MAGI1: variants seen among roughly 807,000 people sequenced by gnomAD.
MAGI1 encodes membrane associated guanylate kinase, WW and PDZ domain containing 1.
In MAGI1, 58 loss-of-function variants were observed where a neutral mutation model predicts 139.9. That is an observed-to-expected ratio of 0.41 (90% CI 0.34 to 0.52). The LOEUF (loss-of-function observed/expected upper bound fraction) is 0.52, where lower values mean the gene tolerates loss of function less well. Among genes scored for constraint, MAGI1 ranks in the 20% least tolerant of loss-of-function variants. MAGI1 has a pLI of 0.12. For missense variants in MAGI1, 1,874 were observed against 1,901.6 expected (o/e 0.99, Z 0.27); for synonymous variants, 812 against 737.9 (o/e 1.10, Z -1.63).
At chr3:65,985,792 T>C (rs2065850707) in intron 1 of MAGI1, among the ~76,000 whole-genome samples, 1 of 152,162 alleles carries the variant, frequency 6.6e-6, no homozygotes, top group South Asian at 2.1e-4. Context: ...TTGGCTCACA[T>C]TTTTTGCATC....
At chr3:65,695,989 C>T (rs1169038205) in intron 1 of MAGI1, among the ~76,000 whole-genome samples, 3 of 152,156 alleles carry the variant, frequency 2.0e-5, no homozygotes, top group African/African-American at 7.2e-5. Flanking sequence ...GATGCTATCA[C>T]AACACTTCTC....
chr3:65,706,183 T>C (rs1470670487), intron 1 of MAGI1, among the ~76,000 whole-genome samples: 1 of 152,234 alleles, frequency 6.6e-6, no homozygotes, highest in African/African-American at 2.4e-5. Context: ...CTAGTTTAAA[T>C]TTCATTTTGC....
chr3:65,503,952 G>C (rs1352936627), intron 2 of MAGI1, among the ~76,000 whole-genome samples: 1 of 152,114 alleles, frequency 6.6e-6, no homozygotes, highest in Non-Finnish European at 1.5e-5. Context: ...GTGTAAACAT[G>C]TTACCTTTCA....
chr3:65,853,916 C>T (rs1443161468), intron 1 of MAGI1, among the ~76,000 whole-genome samples: 3 of 151,946 alleles, frequency 2.0e-5, no homozygotes, highest in African/African-American at 7.3e-5. Flanking sequence ...ACTAGCCTGG[C>T]CAACATGGTG....
chr3:66,034,828 G>A (rs1196678080), intron 1 of MAGI1, among the ~76,000 whole-genome samples: 4 of 151,872 alleles, frequency 2.6e-5, no homozygotes. Flanking sequence ...ACACAAAAGA[G>A]TACATACTGC....
intron 1 of MAGI1, among the ~76,000 whole-genome samples, chr3:65,930,076 G>A (rs912883721): frequency 3.9e-5 from 6 of 152,030 alleles, no homozygotes; most frequent in African/African-American, 1.4e-4. Flanking sequence ...CAGCACTTTG[G>A]GAGGCCGAGG....
intron 1 of MAGI1, among the ~76,000 whole-genome samples, chr3:65,888,312 G>A (rs2060610476): frequency 6.6e-6 from 1 of 152,168 alleles, no homozygotes; most frequent in South Asian, 2.1e-4. Flanking sequence ...TCAAGGAGAG[G>A]TTGAGAAAGG....
chr3:65,950,059 CAAAAAAACAAA>C (rs1186212294), intron 1 of MAGI1, among the ~76,000 whole-genome samples: 3,870 of 13,124 alleles, frequency 0.29, 215 homozygotes, highest in Admixed American at 0.41. Flanking sequence ...AAAAAAAAAA[CAAAAAAACAAA>C]AAAAAAACAA....
intron 1 of MAGI1, among the ~76,000 whole-genome samples, chr3:65,820,739 C>T (rs1436510646): frequency 6.6e-6 from 1 of 152,106 alleles, no homozygotes; most frequent in Non-Finnish European, 1.5e-5. Flanking sequence ...GTGCTTCAGG[C>T]ACATTTTGAG....
At chr3:65,739,519 G>A (rs1366696774) in intron 1 of MAGI1, among the ~76,000 whole-genome samples, 3 of 152,182 alleles carry the variant, frequency 2.0e-5, no homozygotes, top group Non-Finnish European at 2.9e-5. Flanking sequence ...TTTGGTTCAA[G>A]AGGCCTAGCT....
chr3:65,495,214 G>A (rs1952337281), intron 2 of MAGI1, among the ~76,000 whole-genome samples: 2 of 152,192 alleles, frequency 1.3e-5, no homozygotes, highest in Admixed American at 1.3e-4. Context: ...GTCTTGGACA[G>A]GTTCCTTAGT....
chr3:65,913,531 T>C (rs189333457), intron 1 of MAGI1, among the ~76,000 whole-genome samples: 2 of 152,224 alleles, frequency 1.3e-5, no homozygotes, highest in East Asian at 3.9e-4. Context: ...GGAGGTAGTG[T>C]TCAGAAAGGA....
intron 12 of MAGI1, among the ~76,000 whole-genome samples, chr3:65,414,323 T>A (rs1472428458): frequency 6.6e-6 from 1 of 152,226 alleles, no homozygotes; most frequent in Non-Finnish European, 1.5e-5. Context: ...CCCCGATAAC[T>A]TATATAGGAC....
At chr3:65,843,093 A>G (rs2058863609) in intron 1 of MAGI1, among the ~76,000 whole-genome samples, 1 of 152,206 alleles carries the variant, frequency 6.6e-6, no homozygotes, top group Non-Finnish European at 1.5e-5. Context: ...TAAATGTAGT[A>G]CTGGCTTATT....
chr3:65,595,590 G>A (rs1462850636), intron 2 of MAGI1, among the ~76,000 whole-genome samples: 1 of 152,094 alleles, frequency 6.6e-6, no homozygotes, highest in Admixed American at 6.5e-5. Flanking sequence ...ATCGGGAGAG[G>A]AGCCTCAAGT....
chr3:65,660,290 G>A (rs1332146582), intron 1 of MAGI1, among the ~76,000 whole-genome samples: 2 of 152,206 alleles, frequency 1.3e-5, no homozygotes, highest in East Asian at 1.9e-4. Flanking sequence ...CATGGTAAAC[G>A]GGCTTCGCCC....
intron 2 of MAGI1, among the ~76,000 whole-genome samples, chr3:65,498,426 C>A (rs948514145): frequency 6.6e-6 from 1 of 151,738 alleles, no homozygotes; most frequent in Admixed American, 6.6e-5. Context: ...CAGCGTCCAA[C>A]CCCCCAAAAA....
At chr3:65,433,347 A>T (rs538090577) in intron 10 of MAGI1, among the ~76,000 whole-genome samples, 3 of 152,274 alleles carry the variant, frequency 2.0e-5, no homozygotes. Context: ...ACATTAGCAT[A>T]TTTTGTGCTG....
chr3:66,002,527 G>GT (rs1576423784), intron 1 of MAGI1, among the ~76,000 whole-genome samples: 1 of 151,578 alleles, frequency 6.6e-6, no homozygotes, highest in Non-Finnish European at 1.5e-5. Flanking sequence ...TTCTTTTTTT[G>GT]TTTTTTGGGG....
Sources: gnomAD v4.1 joint callset for allele counts (sites outside exome capture counted in the v4.1 genomes callset) on GRCh38, gnomAD v4.1.1 for gene constraint, MANE v1.5 for transcripts, NCBI Gene and HGNC (gene_info 2026-07-23, HGNC 2026-07-21) for gene names.